The following ROBO1 variants were observed in gnomAD, a reference collection of about 807,000 sequenced individuals.
ROBO1 encodes roundabout guidance receptor 1, also known as roundabout homolog 1.
ROBO1 carries 149 observed loss-of-function variants against 195.9 expected under a neutral mutation model. The observed-to-expected ratio is 0.76, with a 90% CI of 0.67 to 0.87. ROBO1 has a LOEUF of 0.87. Ranked by LOEUF, ROBO1 falls within the 40% of genes least tolerant of loss-of-function variation. ROBO1 has a pLI of 0.00. For synonymous variants in ROBO1, 816 were observed against 733.2 expected (o/e 1.11, Z -1.82); for missense variants, 1,933 against 2,068.3 (o/e 0.93, Z 1.27).
chr3:79,015,587 T>C (rs900166917), intron 3 of ROBO1, among the ~76,000 whole-genome samples: 14 of 151,816 alleles, frequency 9.2e-5, no homozygotes, highest in African/African-American at 3.4e-4. Context: ...CAAGGCTACC[T>C]CTCCTGCACC....
intron 26 of ROBO1, among the ~76,000 whole-genome samples, chr3:78,620,231 C>T (rs548328768): frequency 1.3e-5 from 2 of 151,914 alleles, no homozygotes; most frequent in South Asian, 2.1e-4. Flanking sequence ...TGAAGAAAAA[C>T]GTTTTCAAGC....
chr3:79,274,395 A>G (rs1450147938), intron 2 of ROBO1, among the ~76,000 whole-genome samples: 1 of 152,062 alleles, frequency 6.6e-6, no homozygotes, highest in Non-Finnish European at 1.5e-5. Flanking sequence ...ATGCTCCTGA[A>G]TGACCTGCGG....
At chr3:79,237,619 A>C (rs2082435676) in intron 2 of ROBO1, among the ~76,000 whole-genome samples, 1 of 152,196 alleles carries the variant, frequency 6.6e-6, no homozygotes, top group Non-Finnish European at 1.5e-5. Flanking sequence ...ATCTGCAGAA[A>C]TTGTTGAAAA....
chr3:79,075,746 T>C (rs2079161837), intron 3 of ROBO1, among the ~76,000 whole-genome samples: 1 of 151,930 alleles, frequency 6.6e-6, no homozygotes, highest in African/African-American at 2.4e-5. Context: ...ATTAGAGGAA[T>C]TAGTAGCTTT....
Position 78,938,466 on chromosome 3 carries a change from G to C in ROBO1, c.499+135C>G, listed in dbSNP as rs911556533. 85 of 683,036 alleles carry C rather than the reference G, an allele frequency of 1.2e-4. 1 individual carries two copies. Among genetic ancestry groups the C allele is most frequent in the Non-Finnish European group, 1.8e-4 (74 of 417,214 alleles). The allele number at this position is 683,036 out of a possible 1,614,324, so 42.3% of individuals were successfully genotyped here. On this transcript the variant is annotated intron_variant, in intron 4 of 30. Coordinates refer to ENST00000464233, the MANE Select transcript of ROBO1 (RefSeq NM_002941.4). ...ATACAGAAAACCGAAATAGTAGATT[G>C]TATTCACATACAAAGCTAGAGTTTA...
chr3:78,667,871 A>C lies in ROBO1; in HGVS notation c.1966+12T>G. The C allele has an allele frequency of 1.2e-6, 2 of 1,611,740 alleles. No individual in the cohort carries two copies. The highest frequency in any genetic ancestry group is 2.7e-5 in the African/African-American group (2 of 74,998). On this transcript the variant is annotated intron_variant, in intron 14 of 30. Coordinates refer to ENST00000464233, the MANE Select transcript of ROBO1 (RefSeq NM_002941.4). ...AAGTAGGTGTCACAGGTTTAAGTAA[A>C]TCAATATTTACCTTGTGTTTTCACT... is the stretch of plus-strand genomic sequence containing the variant.
chr3:79,572,511 C>T (rs991851509), intron 2 of ROBO1, among the ~76,000 whole-genome samples: 2 of 151,634 alleles, frequency 1.3e-5, no homozygotes, highest in Non-Finnish European at 2.9e-5. Flanking sequence ...ATGTATTGTC[C>T]ATTTATAAAA....
chr3:78,947,896 T>G (rs1319693229), intron 3 of ROBO1, among the ~76,000 whole-genome samples: 1 of 152,054 alleles, frequency 6.6e-6, no homozygotes, highest in South Asian at 2.1e-4. Flanking sequence ...TATAAACACC[T>G]CTACACAAAT....
chr3:79,710,459 C>T lies in ROBO1; in HGVS notation c.-51+57293G>A, dbSNP rs73849821. ...TCTAACAAGGTCACCAAACTATATTCGCAGCAAAATCATTTTTCAGAAATG... is the reference window on the plus strand; with the variant it reads ...TCTAACAAGGTCACCAAACTATATTTGCAGCAAAATCATTTTTCAGAAATG... On this transcript the variant is annotated intron_variant, in intron 1 of 30. Coordinates refer to ENST00000464233, the MANE Select transcript of ROBO1 (RefSeq NM_002941.4). Among the ~76,000 whole-genome samples, 1,337 of 152,134 alleles carry T rather than the reference C, an allele frequency of 8.8e-3. 14 individuals are homozygous for T. The highest frequency in any genetic ancestry group is 0.031 in the African/African-American group (1,286 of 41,516).
At chr3:79,244,532 G>C (rs988866611) in intron 2 of ROBO1, among the ~76,000 whole-genome samples, 2 of 152,068 alleles carry the variant, frequency 1.3e-5, no homozygotes, top group African/African-American at 4.8e-5. Flanking sequence ...TAAAGTTATT[G>C]TGCTTTGCTT....
At chr3:79,239,772 A>G (rs192413759) in intron 2 of ROBO1, among the ~76,000 whole-genome samples, 1 of 152,216 alleles carries the variant, frequency 6.6e-6, no homozygotes, top group Admixed American at 6.5e-5. Context: ...CAAACTGAAT[A>G]TTATTGCTTA....
chr3:79,677,902 T>C (rs950372763), intron 1 of ROBO1, among the ~76,000 whole-genome samples: 5 of 152,128 alleles, frequency 3.3e-5, no homozygotes, highest in Admixed American at 1.3e-4. Flanking sequence ...CCATAGTGAA[T>C]GCCTGAGCCA....
At chr3:79,222,127 T>C (rs1024368814) in intron 2 of ROBO1, among the ~76,000 whole-genome samples, 2 of 152,100 alleles carry the variant, frequency 1.3e-5, no homozygotes, top group African/African-American at 4.8e-5. Flanking sequence ...CTTTTTCCTG[T>C]GATACCATCT....
chr3:78,920,507 A>G (rs558063207), intron 4 of ROBO1, among the ~76,000 whole-genome samples: 1 of 151,282 alleles, frequency 6.6e-6, no homozygotes, highest in African/African-American at 2.4e-5. Context: ...GGATTTCACA[A>G]TGTTGGTCAG....
intron 1 of ROBO1, among the ~76,000 whole-genome samples, chr3:79,658,479 C>A (rs1946235641): frequency 6.6e-6 from 1 of 152,060 alleles, no homozygotes. Flanking sequence ...TTCCAACAAA[C>A]CATACTATGA....
At chr3:79,462,874 T>C (rs1227246822) in intron 2 of ROBO1, among the ~76,000 whole-genome samples, 1 of 152,232 alleles carries the variant, frequency 6.6e-6, no homozygotes. Flanking sequence ...GAAATCAATG[T>C]TACTATTTAC....
chr3:79,129,318 T>C (rs2080278860), intron 2 of ROBO1, among the ~76,000 whole-genome samples: 1 of 152,154 alleles, frequency 6.6e-6, no homozygotes, highest in Admixed American at 6.6e-5. Context: ...TATTTTGCGA[T>C]ATGGCTTTAT....
chr3:79,594,416 G>A (rs901400319), intron 1 of ROBO1, among the ~76,000 whole-genome samples: 2 of 151,844 alleles, frequency 1.3e-5, no homozygotes, highest in African/African-American at 4.8e-5. Context: ...TTTGAATTAA[G>A]AAAACTAACA....
chr3:79,517,180 T>C (rs890982032), intron 2 of ROBO1, among the ~76,000 whole-genome samples: 5 of 152,240 alleles, frequency 3.3e-5, no homozygotes, highest in African/African-American at 9.6e-5. Context: ...CTCGTTCTCA[T>C]TTTTATTGAC....
Sources: allele counts gnomAD v4.1 joint callset (sites outside exome capture counted in the v4.1 genomes callset), GRCh38; gene constraint gnomAD v4.1.1; transcripts MANE v1.5; gene names NCBI Gene and HGNC (gene_info 2026-07-23, HGNC 2026-07-21).